ARFGEF3: variants seen among roughly 807,000 people sequenced by gnomAD.
ARFGEF3 encodes the protein ARFGEF family member 3.
ARFGEF3 carries 96 observed loss-of-function variants against 221.7 expected under a neutral mutation model. The ratio of observed to expected loss-of-function variants is 0.43; its 90% CI spans 0.37 to 0.51. The LOEUF is 0.51. Ranked by LOEUF, ARFGEF3 falls within the 20% of genes least tolerant of loss-of-function variation. The pLI, the probability that ARFGEF3 is intolerant of heterozygous loss-of-function variation, is 0.00. For missense variants in ARFGEF3, 2,410 were observed against 2,789.9 expected (o/e 0.86, Z 3.07); for synonymous variants, 1,145 against 1,126.8 (o/e 1.02, Z -0.32).
chr6:138,293,869 A>G (rs1779458747), intron 19 of ARFGEF3, 124 bp from the exon 20 acceptor site: 2 of 892,104 alleles, frequency 2.2e-6, no homozygotes, highest in South Asian at 1.6e-5. Context: ...AATACCATAC[A>G]TTTGTCTACA....
intron 6 of ARFGEF3, among the ~76,000 whole-genome samples, 195 bp from the exon 7 acceptor site, chr6:138,242,757 T>C (rs574551213): frequency 3.9e-4 from 59 of 152,248 alleles, no homozygotes; most frequent in Admixed American, 7.8e-4. Flanking sequence ...ATTCCAGAGA[T>C]CATAATCTGT....
intron 25 of ARFGEF3, among the ~76,000 whole-genome samples, chr6:138,312,772 T>C (rs1779852558): frequency 6.6e-6 from 1 of 152,208 alleles, no homozygotes; most frequent in Non-Finnish European, 1.5e-5. Context: ...TGCAGTGGCA[T>C]GATCTCAGCT....
Position 138,261,537 on chromosome 6 carries a change from G to T in ARFGEF3, c.1115G>T (p.Ser372Ile), listed in dbSNP as rs538057829. The change falls in exon 11 of 34, where the codon AGC becomes ATC. Residue 372 changes from serine (S) to isoleucine (I), a missense_variant. By Grantham distance (142) the Ser-to-Ile change is moderately radical. This residue lies in a region of ARFGEF3 where 570 missense variants were observed against 586.9 expected (regional missense o/e 0.97). Transcript: ENST00000251691. The part of the protein sequence containing the change: ...AIKIMKEILG[S>I]PQRLCDLAGP... ...ACCTTTTTCTTTAAGATACTTGGGA[G>T]CCCACAGCGTCTCTGTGACTTGGCA... 1.9e-5 allele frequency: 29 copies of T among 1,562,966 alleles called. No homozygotes were observed. In the East Asian group the frequency reaches 6.7e-4, roughly 36 times the overall value.
intron 1 of ARFGEF3, among the ~76,000 whole-genome samples, chr6:138,167,537 C>A (rs1582991345): frequency 6.6e-6 from 1 of 152,176 alleles, no homozygotes; most frequent in Admixed American, 6.5e-5. Context: ...GATGTCATCA[C>A]CTGTCCAGTT....
intron 4 of ARFGEF3, chr6:138,216,687 G>A (rs541570057): frequency 1.2e-4 from 18 of 152,258 alleles, no homozygotes; most frequent in African/African-American, 3.9e-4. Flanking sequence ...CTTATAACAG[G>A]GAGAAATCTC....
Position 138,319,780 on chromosome 6 carries a change from G to T in ARFGEF3, c.4552G>T (p.Asp1518Tyr), listed in dbSNP as rs1371489617. 6.2e-7 allele frequency: 1 copy of T among 1,613,952 alleles called. No homozygotes were observed. The highest frequency in any genetic ancestry group is 8.5e-7 in the Non-Finnish European group (1 of 1,179,846). Residue 1518 changes from aspartate to tyrosine, a missense_variant, in exon 28 of 34, where the codon GAC becomes TAC. Coordinates refer to ENST00000251691, the MANE Select transcript of ARFGEF3 (RefSeq NM_020340.5). ...MSVWLRRSHK[D>Y]HSYWDMASAN... ...CGTTTGGCTCCGCCGGAGCCATAAAGACCATTCCTACTGGGATATGGCCTC... is the reference window on the plus strand; with the variant it reads ...CGTTTGGCTCCGCCGGAGCCATAAATACCATTCCTACTGGGATATGGCCTC...
At chr6:138,227,068 G>A (rs961565388) in intron 4 of ARFGEF3, among the ~76,000 whole-genome samples, 1 of 150,924 alleles carries the variant, frequency 6.6e-6, no homozygotes, top group Non-Finnish European at 1.5e-5. Flanking sequence ...ATATAGCTCA[G>A]TGAGTCTTTG....
chr6:138,280,204 G>A (rs1441632717), intron 14 of ARFGEF3, 40 bp downstream of exon 14: 3 of 1,599,678 alleles, frequency 1.9e-6, no homozygotes, highest in South Asian at 1.1e-5. Flanking sequence ...ACGTGGTAGG[G>A]TGGGACGGCT....
chr6:138,330,164 G>A (rs1157985595), intron 32 of ARFGEF3, among the ~76,000 whole-genome samples: 3 of 152,204 alleles, frequency 2.0e-5, no homozygotes, highest in Non-Finnish European at 2.9e-5. Context: ...ATCTGGATGT[G>A]TACGTGCAGG....
Position 138,338,916 on chromosome 6 carries a change from T to G in ARFGEF3, c.*2430T>G, listed in dbSNP as rs551032421. 6.6e-6 allele frequency: 1 copy of G among 152,170 alleles called. No individual in the cohort carries two copies. The highest frequency in any genetic ancestry group is 2.4e-5 in the African/African-American group (1 of 41,442). 9.4% of individuals were successfully genotyped at this position (152,170 alleles called of 1,614,324 possible). A position where few individuals can be genotyped will look rare whatever the true frequency, so the allele number is the denominator to read the frequency against. ...GGATCCAAAATTCTTGAACATAAGT[T>G]TACCCTGTACTGTGTCCAAACACTG... On this transcript the variant is annotated 3_prime_UTR_variant, in exon 34 of 34. Coordinates refer to ENST00000251691, the MANE Select transcript of ARFGEF3 (RefSeq NM_020340.5).
At chr6:138,170,859 G>A (rs115055274) in intron 2 of ARFGEF3, 146 bp downstream of exon 2, 17,923 of 548,404 alleles carry the variant, frequency 0.033, 374 homozygotes, top group African/African-American at 0.057. Flanking sequence ...AATGAACAGA[G>A]ATTTATTAGT....
chr6:138,257,301 G>A (rs776100242), intron 10 of ARFGEF3, among the ~76,000 whole-genome samples: 24 of 152,148 alleles, frequency 1.6e-4, no homozygotes, highest in African/African-American at 4.1e-4. Context: ...AGGGGCAAGC[G>A]TGGGCTTCCT....
chr6:138,338,909 C>T lies in ARFGEF3; in HGVS notation c.*2423C>T, dbSNP rs1045462156. 1.3e-5 allele frequency: 2 copies of T among 151,658 alleles called. No homozygotes were observed. Among genetic ancestry groups the T allele is most frequent in the Non-Finnish European group, 2.9e-5 (2 of 67,974 alleles). The allele number at this position is 151,658 out of a possible 1,614,324, so 9.4% of individuals were successfully genotyped here. A position where few individuals can be genotyped will look rare whatever the true frequency, so the allele number is the denominator to read the frequency against. ...TATTATGGGATCCAAAATTCTTGAACATAAGTTTACCCTGTACTGTGTCCA... is the reference window on the plus strand; with the variant it reads ...TATTATGGGATCCAAAATTCTTGAATATAAGTTTACCCTGTACTGTGTCCA... On this transcript the variant is annotated 3_prime_UTR_variant, in exon 34 of 34. Transcript: ENST00000251691.
intron 32 of ARFGEF3, among the ~76,000 whole-genome samples, chr6:138,331,006 GTTCTT>G (rs544381546): frequency 7.4e-4 from 112 of 152,218 alleles, no homozygotes; most frequent in Non-Finnish European, 1.3e-3. Flanking sequence ...CAGAATTTCA[GTTCTT>G]TTCTTCCTTT....
At chr6:138,175,702 A>G (rs1272413059) in intron 2 of ARFGEF3, among the ~76,000 whole-genome samples, 1 of 152,252 alleles carries the variant, frequency 6.6e-6, no homozygotes, top group Non-Finnish European at 1.5e-5. Context: ...CCGATCAAGA[A>G]CAATTAGAAT....
intron 22 of ARFGEF3, among the ~76,000 whole-genome samples, chr6:138,306,842 A>G (rs758053110): frequency 1.3e-5 from 2 of 152,096 alleles, no homozygotes; most frequent in Non-Finnish European, 2.9e-5. Flanking sequence ...CTTCACCAAA[A>G]TTAAGAACTT....
At chr6:138,283,042 CTCTG>C (rs1342994658) in intron 14 of ARFGEF3, among the ~76,000 whole-genome samples, 2 of 151,634 alleles carry the variant, frequency 1.3e-5, no homozygotes, top group Admixed American at 1.3e-4. Context: ...CAGAGCGAGA[CTCTG>C]TCTTTTTAAA....
intron 29 of ARFGEF3, among the ~76,000 whole-genome samples, chr6:138,322,562 C>T (rs1029081882): frequency 6.6e-6 from 1 of 151,942 alleles, no homozygotes; most frequent in Admixed American, 6.6e-5. Flanking sequence ...TTTGGGAGGC[C>T]GAGGCAGGCA....
At chr6:138,293,497 GTA>G (rs1173734573) in intron 19 of ARFGEF3, among the ~76,000 whole-genome samples, 1 of 152,202 alleles carries the variant, frequency 6.6e-6, no homozygotes, top group Non-Finnish European at 1.5e-5. Context: ...CTTTGGGTGT[GTA>G]TGAGGCCAGT....
Sources: allele counts gnomAD v4.1 joint callset (sites outside exome capture counted in the v4.1 genomes callset), GRCh38; gene constraint gnomAD v4.1.1; regional missense constraint gnomAD v4.1.1; transcripts MANE v1.5; gene names NCBI Gene and HGNC (gene_info 2026-07-23, HGNC 2026-07-21).